Variants in CCNF observed in about 807,000 individuals in gnomAD.
CCNF encodes cyclin-F.
In CCNF, 30 loss-of-function variants were observed where a neutral mutation model predicts 85.4. The ratio of observed to expected loss-of-function variants is 0.35; its 90% confidence interval spans 0.26 to 0.48. The LOEUF is 0.48. Among genes scored for constraint, CCNF ranks in the 20% least tolerant of loss-of-function variants. The probability of loss-of-function intolerance (pLI) is 0.99; values close to 1 mark genes in which losing one functional copy is unlikely to be tolerated. For synonymous variants in CCNF, 439 were observed against 425.1 expected (o/e 1.03, Z -0.40); for missense variants, 919 against 1,010.4 (o/e 0.91, Z 1.23).
At chr16:2,437,902 T>TCA in intron 5 of CCNF, 168 bp from the exon 6 acceptor site, 1 of 467,530 alleles carries the variant, frequency 2.1e-6, no homozygotes, top group South Asian at 2.2e-5. Flanking sequence ...CTGTTTCCCT[T>TCA]TAAAAAAAAA....
Position 2,429,451 on chromosome 16 carries a change from G to A in CCNF, c.-31G>A. ...CCGGGGCGCGGGCGCGCTCTCAGGC[G>A]GGCTCCGGCGGCAGCGACGCGAGCG... On this transcript the variant is annotated 5_prime_UTR_variant, in exon 1 of 17. Transcript: ENST00000397066. The A allele has an allele frequency of 1.6e-6, 2 of 1,218,708 alleles. No individual in the cohort carries two copies. The highest frequency in any genetic ancestry group is 2.0e-6 in the Non-Finnish European group (2 of 980,196). The allele number at this position is 1,218,708 out of a possible 1,614,324, so 75.5% of individuals were successfully genotyped here. A position where few individuals can be genotyped will look rare whatever the true frequency, so the allele number is the denominator to read the frequency against.
At chr16:2,433,679 T>C (rs1209342915) in intron 3 of CCNF, among the ~76,000 whole-genome samples, 2 of 151,574 alleles carry the variant, frequency 1.3e-5, no homozygotes, top group Admixed American at 1.3e-4. Flanking sequence ...CACCAACTCC[T>C]GGTTCAAGCG....
At chr16:2,433,742 C>T (rs540075100) in intron 3 of CCNF, among the ~76,000 whole-genome samples, 6 of 152,280 alleles carry the variant, frequency 3.9e-5, no homozygotes, top group South Asian at 4.1e-4. Context: ...CGCGCTACCA[C>T]GCCCATCTAA....
intron 10 of CCNF, 62 bp downstream of exon 10, chr16:2,445,684 C>T: frequency 1.4e-5 from 21 of 1,490,610 alleles, no homozygotes; most frequent in Non-Finnish European, 1.8e-5. Flanking sequence ...TTCAGGGTCA[C>T]CTGCCCTTCA....
In CCNF at chr16:2,453,668, A is replaced by T. The variant is rs1596931818; in HGVS notation, c.1715+131A>T. On this transcript the variant is annotated intron_variant, in intron 15 of 16. Transcript: ENST00000397066. The surrounding 1 kb of genome is among the most constrained non-coding windows in gnomAD (Gnocchi z 5.6). ...GGGAGCAGCAGATCCCAGGACAGTGACCCTGGGACGGAGCCCTGCAGTCAT... is the reference window on the plus strand; with the variant it reads ...GGGAGCAGCAGATCCCAGGACAGTGTCCCTGGGACGGAGCCCTGCAGTCAT... 2.5e-6 allele frequency: 3 copies of T among 1,202,866 alleles called. No individual in the cohort carries two copies. Among genetic ancestry groups the T allele is most frequent in the Middle Eastern group, 2.7e-4 (1 of 3,706 alleles). The allele number at this position is 1,202,866 out of a possible 1,614,324, so 74.5% of individuals were successfully genotyped here.
intron 8 of CCNF, among the ~76,000 whole-genome samples, chr16:2,441,197 G>A (rs1233221149): frequency 6.6e-6 from 1 of 151,802 alleles, no homozygotes; most frequent in Non-Finnish European, 1.5e-5. Flanking sequence ...TTGTGCCACT[G>A]CACTCCAGCC....
intron 10 of CCNF, among the ~76,000 whole-genome samples, chr16:2,446,353 G>A (rs1482777604): frequency 6.6e-6 from 1 of 152,210 alleles, no homozygotes; most frequent in African/African-American, 2.4e-5. Flanking sequence ...CTACACTCTT[G>A]GAGTTAGAGA....
At position 2,453,645 on chromosome 16, in the gene CCNF, G is replaced by T. The variant is rs1380454088; in HGVS notation, c.1715+108G>T. 3 of 1,432,052 alleles carry T rather than the reference G, an allele frequency of 2.1e-6. No homozygotes were observed. The East Asian group carries it at 6.9e-5, about 33-fold the overall frequency. 88.7% of individuals were successfully genotyped at this position (1,432,052 alleles called of 1,614,324 possible). A position where few individuals can be genotyped will look rare whatever the true frequency, so the allele number is the denominator to read the frequency against. On this transcript the variant is annotated intron_variant, in intron 15 of 16. Transcript: ENST00000397066. The surrounding 1 kb of genome is among the most constrained non-coding windows in gnomAD (Gnocchi z 5.6). Reference sequence around the variant, plus strand: ...GAGAGGCCCCCAAGGCTTGTCAGGGGAGCAGCAGATCCCAGGACAGTGACC... The same window carrying T: ...GAGAGGCCCCCAAGGCTTGTCAGGGTAGCAGCAGATCCCAGGACAGTGACC...
chr16:2,454,355 A>G (rs2065412568), intron 15 of CCNF, among the ~76,000 whole-genome samples: 1 of 152,174 alleles, frequency 6.6e-6, no homozygotes, highest in South Asian at 2.1e-4. Flanking sequence ...GTGTCACTCC[A>G]CACACGCACC....
In CCNF at chr16:2,452,479, G is replaced by A. The variant is rs914388757; in HGVS notation, c.1488-731G>A. 1 of 152,346 alleles carries A rather than the reference G, an allele frequency of 6.6e-6. No homozygotes were observed. Among genetic ancestry groups the A allele is most frequent in the Non-Finnish European group, 1.5e-5 (1 of 68,168 alleles). The allele number at this position is 152,346 out of a possible 1,614,324, so 9.4% of individuals were successfully genotyped here. ...GTCCCAACCCTGGCCACCAAAAGCTGTTTCTGGGCTGCGTTTATTCTCTTC... is the reference window on the plus strand; with the variant it reads ...GTCCCAACCCTGGCCACCAAAAGCTATTTCTGGGCTGCGTTTATTCTCTTC... On this transcript the variant is annotated intron_variant, in intron 13 of 16. Transcript: ENST00000397066. The surrounding 1 kb of genome is among the most constrained non-coding windows in gnomAD (Gnocchi z 4.1).
At chr16:2,443,924 CTT>C (rs35258963) in intron 9 of CCNF, 124 bp downstream of exon 9, 2,085 of 565,790 alleles carry the variant, frequency 3.7e-3, no homozygotes, top group Middle Eastern at 7.6e-3. Context: ...CCTTATCACC[CTT>C]TTTTTTTTTT....
In CCNF at chr16:2,451,811, C is replaced by T. The variant is rs1364397112; in HGVS notation, c.1488-1399C>T. 6.6e-6 allele frequency among the ~76,000 whole-genome samples: 1 copy of T among 152,194 alleles called. No individual in the cohort carries two copies. Among genetic ancestry groups the T allele is most frequent in the Non-Finnish European group, 1.5e-5 (1 of 68,016 alleles). ...GCGGCCTAGGTGTTGGTCTCCCTTC[C>T]CACCCACCCCAAGGGGCCCCGGAAT... On this transcript the variant is annotated intron_variant, in intron 13 of 16. Coordinates refer to ENST00000397066, the MANE Select transcript of CCNF (RefSeq NM_001761.3). The surrounding 1 kb of genome is among the most constrained non-coding windows in gnomAD (Gnocchi z 4.3).
intron 9 of CCNF, among the ~76,000 whole-genome samples, chr16:2,444,247 A>G (rs1193072058): frequency 6.6e-6 from 1 of 150,498 alleles, no homozygotes; most frequent in Non-Finnish European, 1.5e-5. Context: ...CAGTAATGCC[A>G]AAGTTATCGT....
intron 15 of CCNF, among the ~76,000 whole-genome samples, chr16:2,454,460 C>T (rs970324004): frequency 1.3e-5 from 2 of 152,236 alleles, no homozygotes; most frequent in Admixed American, 1.3e-4. Context: ...TGCTCAGCCT[C>T]GCTGTGTTAA....
intron 9 of CCNF, 134 bp from the exon 10 acceptor site, chr16:2,445,323 CT>C: frequency 1.9e-6 from 2 of 1,042,718 alleles, no homozygotes; most frequent in Non-Finnish European, 2.8e-6. Context: ...CCTCTCCAGC[CT>C]TGGTTCCAGG....
chr16:2,447,574 A>G (rs1596926168), intron 10 of CCNF, among the ~76,000 whole-genome samples: 1 of 151,706 alleles, frequency 6.6e-6, no homozygotes, highest in African/African-American at 2.4e-5. Flanking sequence ...ATGGCGCAAG[A>G]CTCTGTCTCA....
At chr16:2,442,982 A>G (rs1475643998) in intron 8 of CCNF, among the ~76,000 whole-genome samples, 1 of 107,908 alleles carries the variant, frequency 9.3e-6, no homozygotes, top group African/African-American at 3.7e-5. Flanking sequence ...TATATTATAT[A>G]TTATTTATGT....
Position 2,453,167 on chromosome 16 carries a change from T to TG in CCNF, c.1488-38dup. 2 of 1,546,054 alleles carry TG rather than the reference T, an allele frequency of 1.3e-6. No individual in the cohort carries two copies. The highest frequency in any genetic ancestry group is 1.1e-5 in the South Asian group (1 of 89,824). ...CAGTGAACTGAAGCTAAAAATGGGG[T>TG]GGGGGTGCCTCACATGTCCACTCCA... On this transcript the variant is annotated intron_variant, in intron 13 of 16. Transcript: ENST00000397066. This position sits in a 1 kb window ranked among gnomAD's most constrained non-coding sequence, Gnocchi z 5.6.
chr16:2,445,444 T>C lies in CCNF; in HGVS notation c.930-14T>C. 6.2e-7 allele frequency: 1 copy of C among 1,613,918 alleles called. No homozygotes were observed. The highest frequency in any genetic ancestry group is 8.5e-7 in the Non-Finnish European group (1 of 1,179,872). On this transcript the variant is annotated splice_polypyrimidine_tract_variant and intron_variant, in intron 9 of 16. Transcript: ENST00000397066. The stretch of plus-strand genomic sequence containing the variant: ...AACGCCCCCACCAGTTCCCACGTGC[T>C]TCTCTTTCCGCAGGTACATTCTGAT...
Sources: gnomAD v4.1 joint callset for allele counts (sites outside exome capture counted in the v4.1 genomes callset) on GRCh38, gnomAD v4.1.1 for gene constraint, Gnocchi (gnomAD v3.1) non-coding constraint, MANE v1.5 for transcripts, NCBI Gene and HGNC (gene_info 2026-07-23, HGNC 2026-07-21) for gene names.